Variants in PARD3B observed in about 807,000 individuals in gnomAD.
PARD3B encodes partitioning defective 3 homolog B.
PARD3B carries 103 observed loss-of-function variants against 130.2 expected under a neutral mutation model. The observed-to-expected ratio is 0.79, with a 90% CI of 0.67 to 0.93. The LOEUF (loss-of-function observed/expected upper bound fraction) is 0.93. Ranked by LOEUF, PARD3B falls within the 40% of genes least tolerant of loss-of-function variation. PARD3B has a pLI of 0.00. For missense variants in PARD3B, 1,609 were observed against 1,499.2 expected (o/e 1.07, Z -1.21); for synonymous variants, 583 against 553.2 (o/e 1.05, Z -0.76).
At chr2:204,644,391 C>G (rs1359464021) in intron 1 of PARD3B, among the ~76,000 whole-genome samples, 1 of 152,106 alleles carries the variant, frequency 6.6e-6, no homozygotes, top group East Asian at 1.9e-4. Context: ...GTGTTTGTAC[C>G]TCAACCCTGC....
At chr2:204,596,560 T>C (rs377733276) in intron 1 of PARD3B, among the ~76,000 whole-genome samples, 3 of 152,164 alleles carry the variant, frequency 2.0e-5, no homozygotes, top group Non-Finnish European at 4.4e-5. Flanking sequence ...GAAAAGTATA[T>C]GAAGTGTTGG....
chr2:205,195,218 C>T (rs1432157908), intron 15 of PARD3B, among the ~76,000 whole-genome samples: 1 of 152,016 alleles, frequency 6.6e-6, no homozygotes. Flanking sequence ...ATACATATGC[C>T]ATAAATGACA....
At chr2:205,511,558 C>G (rs2050589379) in intron 21 of PARD3B, among the ~76,000 whole-genome samples, 1 of 152,116 alleles carries the variant, frequency 6.6e-6, no homozygotes, top group African/African-American at 2.4e-5. Context: ...GGAGAAATGA[C>G]CATTTTATGT....
intron 4 of PARD3B, among the ~76,000 whole-genome samples, chr2:205,072,411 TG>T (rs1473717420): frequency 2.6e-5 from 4 of 151,894 alleles, no homozygotes; most frequent in African/African-American, 9.7e-5. Flanking sequence ...CCACCACGCC[TG>T]GCTAATTTTT....
intron 2 of PARD3B, among the ~76,000 whole-genome samples, chr2:204,958,968 T>C (rs1690515894): frequency 6.6e-6 from 1 of 152,204 alleles, no homozygotes; most frequent in Non-Finnish European, 1.5e-5. Flanking sequence ...TTTTATTGTT[T>C]TTAAATTTTG....
rs2052982506 is a variant in PARD3B, at chr2:205,558,278, GGAAGGT to G, written c.3260+4877_3260+4882del. Among the ~76,000 whole-genome samples, 2 of 152,252 alleles carry G rather than the reference GGAAGGT, an allele frequency of 1.3e-5. No homozygotes were observed. The highest frequency in any genetic ancestry group is 6.5e-5 in the Admixed American group (1 of 15,298). On this transcript the variant is annotated intron_variant, in intron 22 of 22. Transcript: ENST00000406610. The surrounding 1 kb of genome is among the most constrained non-coding windows in gnomAD (Gnocchi z 4.8). The stretch of plus-strand genomic sequence containing the variant: ...GGCCATACCCAGGGCGAGTTAACCA[GGAAGGT>G]GGAGCATGATGCTCTAGCTCCCAGG...
At chr2:205,152,665 T>C (rs563646665) in intron 10 of PARD3B, among the ~76,000 whole-genome samples, 321 of 152,286 alleles carry the variant, frequency 2.1e-3, no homozygotes, top group Non-Finnish European at 3.8e-3. Context: ...CTAATCTTTT[T>C]TCAAGGTTTT....
At position 205,125,775 on chromosome 2, in the gene PARD3B, C is replaced by A. The variant is rs1559464885; in HGVS notation, c.1434+38C>A. 6.2e-7 allele frequency: 1 copy of A among 1,609,986 alleles called. No homozygotes were observed. Among genetic ancestry groups the A allele is most frequent in the Admixed American group, 1.7e-5 (1 of 59,646 alleles). On this transcript the variant is annotated intron_variant, in intron 10 of 22. Coordinates refer to ENST00000406610, the MANE Select transcript of PARD3B (RefSeq NM_001302769.2). The surrounding 1 kb of genome is among the most constrained non-coding windows in gnomAD (Gnocchi z 4.0). ...TCTCAGTCTCACTGAATTTTTAATG[C>A]CGAGCTTAATACACTCAATGAACTC...
chr2:204,617,778 T>C (rs13024650), intron 1 of PARD3B, among the ~76,000 whole-genome samples: 92,008 of 152,118 alleles, frequency 0.6, 31,472 homozygotes, highest in Non-Finnish European at 0.76. Flanking sequence ...CTTCCACTTA[T>C]AAGTGACAGT....
chr2:204,951,971 T>C (rs6720699), intron 2 of PARD3B, among the ~76,000 whole-genome samples: 1,548 of 152,310 alleles, frequency 0.01, 31 homozygotes, highest in African/African-American at 0.035. Flanking sequence ...TTTACAGGAA[T>C]GCAACAAAGA....
At chr2:204,762,179 T>C (rs1453283631) in intron 2 of PARD3B, among the ~76,000 whole-genome samples, 1 of 145,240 alleles carries the variant, frequency 6.9e-6, no homozygotes, top group Non-Finnish European at 1.5e-5. Context: ...CGGAGTGCAG[T>C]GGCACAATCT....
intron 3 of PARD3B, among the ~76,000 whole-genome samples, chr2:205,031,200 C>A (rs1185488617): frequency 6.6e-6 from 1 of 152,130 alleles, no homozygotes; most frequent in East Asian, 1.9e-4. Context: ...AGAATTCAAC[C>A]TATTTCATTT....
chr2:205,178,468 T>G (rs1218253606), intron 13 of PARD3B, among the ~76,000 whole-genome samples: 1 of 151,944 alleles, frequency 6.6e-6, no homozygotes, highest in Non-Finnish European at 1.5e-5. Context: ...AAAAAGAAAT[T>G]AAAAATTTTC....
At chr2:205,043,313 G>A (rs13420137) in intron 3 of PARD3B, among the ~76,000 whole-genome samples, 47,873 of 151,566 alleles carry the variant, frequency 0.32, 7,850 homozygotes, top group South Asian at 0.49. Context: ...TACTTTTTTG[G>A]GGGAGGGAGT....
At chr2:205,062,992 G>A (rs1025304775) in intron 4 of PARD3B, among the ~76,000 whole-genome samples, 1 of 151,824 alleles carries the variant, frequency 6.6e-6, no homozygotes, top group Non-Finnish European at 1.5e-5. Flanking sequence ...GAGGGAGGGG[G>A]TTTGCTTGGA....
chr2:204,578,044 G>A (rs2032359505), intron 1 of PARD3B, among the ~76,000 whole-genome samples: 1 of 152,174 alleles, frequency 6.6e-6, no homozygotes, highest in Non-Finnish European at 1.5e-5. Context: ...CAAGGATGCC[G>A]CTAAACATCT....
rs993106192 is a variant in PARD3B at position 204,677,961 on chromosome 2, G to T, written c.121-8220G>T. Among the ~76,000 whole-genome samples the T allele has an allele frequency of 6.6e-6, 1 of 152,140 alleles. No individual in the cohort carries two copies. Among genetic ancestry groups the T allele is most frequent in the Non-Finnish European group, 1.5e-5 (1 of 68,024 alleles). On this transcript the variant is annotated intron_variant, in intron 1 of 22. Transcript: ENST00000406610. This position sits in a 1 kb window ranked among gnomAD's most constrained non-coding sequence, Gnocchi z 4.1. The stretch of plus-strand genomic sequence containing the variant: ...AGCTGTAGAGATGGCATGTGCAAAA[G>T]GAACAATTAGGTATTTCAGTTTGAA...
At chr2:204,647,685 A>G (rs1473955779) in intron 1 of PARD3B, among the ~76,000 whole-genome samples, 1 of 151,836 alleles carries the variant, frequency 6.6e-6, no homozygotes, top group Non-Finnish European at 1.5e-5. Flanking sequence ...CAGTTCTGAG[A>G]GTTTTCTTTA....
rs1184258213 is a variant in PARD3B at position 205,043,803 on chromosome 2, T to A, written c.395-3778T>A. 2.6e-5 allele frequency among the ~76,000 whole-genome samples: 4 copies of A among 152,048 alleles called. No individual in the cohort carries two copies. In the East Asian group the frequency reaches 5.8e-4, roughly 22 times the overall value. On this transcript the variant is annotated intron_variant, in intron 3 of 22. Transcript: ENST00000406610. ...TACCTTTCTTTGTCTTTTTTTTAAA[T>A]TTTTTATTTATTATTATTATACTTT... is the stretch of plus-strand genomic sequence containing the variant.
Sources: gnomAD v4.1 joint callset for allele counts (sites outside exome capture counted in the v4.1 genomes callset) on GRCh38, gnomAD v4.1.1 for gene constraint, Gnocchi (gnomAD v3.1) non-coding constraint, MANE v1.5 for transcripts, NCBI Gene and HGNC (gene_info 2026-07-23, HGNC 2026-07-21) for gene names.